Variants in HSD17B14 observed in about 807,000 individuals in gnomAD.
HSD17B14 encodes the protein hydroxysteroid 17-beta dehydrogenase 14.
A neutral mutation model predicts 32.2 loss-of-function variants in HSD17B14; 32 were observed. The ratio of observed to expected loss-of-function variants is 0.99; its 90% CI spans 0.75 to 1.33. The LOEUF is 1.33. HSD17B14 is among the 40% of genes most tolerant of loss of function. The pLI, the probability that HSD17B14 is intolerant of heterozygous loss-of-function variation, is 0.00. For missense variants in HSD17B14, 370 were observed against 366.5 expected, an observed-to-expected ratio of 1.01 and a Z score of -0.08; for synonymous variants, 140 against 155.4, an observed-to-expected ratio of 0.90 and a Z score of 0.74.
intron 5 of HSD17B14, among the ~76,000 whole-genome samples, chr19:48,829,805 G>A (rs1166738933): frequency 2.0e-5 from 3 of 151,206 alleles, no homozygotes; most frequent in South Asian, 4.2e-4. Flanking sequence ...CACCACACCC[G>A]GCTAATTTTG....
chr19:48,817,227 G>C, intron 5 of HSD17B14, among the ~76,000 whole-genome samples: 1 of 150,672 alleles, frequency 6.6e-6, no homozygotes. Context: ...GCCCAGGCTG[G>C]AGTGCAGTGA....
intron 6 of HSD17B14, among the ~76,000 whole-genome samples, chr19:48,814,794 T>C (rs2035022180): frequency 6.6e-6 from 1 of 150,528 alleles, no homozygotes; most frequent in African/African-American, 2.5e-5. Context: ...CAGCTGAGAT[T>C]GCACCACTGA....
At position 48,815,196 on chromosome 19, in the gene HSD17B14, C is replaced by T. The variant is rs1442267637; in HGVS notation, c.370-55G>A. The T allele has an allele frequency of 2.2e-6, 3 of 1,344,004 alleles. No individual in the cohort carries two copies. In the East Asian group the frequency reaches 6.9e-5, roughly 31 times the overall value. 83.3% of individuals were successfully genotyped at this position (1,344,004 alleles called of 1,614,324 possible). On this transcript the variant is annotated intron_variant, in intron 5 of 8. Coordinates refer to ENST00000263278, the MANE Select transcript of HSD17B14 (RefSeq NM_016246.3). ...ACAAGCCCTGCATCTTCGCAGACCA[C>T]TGAAACACAGCCACAGCCATCCTGA...
chr19:48,826,491 CAA>C (rs747731627), intron 5 of HSD17B14, among the ~76,000 whole-genome samples: 1,044 of 41,076 alleles, frequency 0.025, 26 homozygotes, highest in African/African-American at 0.09. Flanking sequence ...AAGATTGTCT[CAA>C]AAAAAAAAAA....
intron 5 of HSD17B14, among the ~76,000 whole-genome samples, chr19:48,830,208 TG>T (rs1437917340): frequency 4.6e-5 from 7 of 152,120 alleles, no homozygotes; most frequent in Non-Finnish European, 1.0e-4. Context: ...TTGTGCAAGC[TG>T]ACTCCCAGCA....
Position 48,834,328 on chromosome 19 carries a change from A to G in HSD17B14, c.158T>C (p.Leu53Pro), listed in dbSNP as rs1419953107. Reference protein sequence around the residue: ...ESGGRALEQELPGAVFILCDV... With the variant: ...ESGGRALEQEPPGAVFILCDV... ...ACAGAGGATAAAGACAGCTCCAGGG[A>G]GCTCCTGCTCCAGGGCCCGGCCCCC... Residue 53 changes from leucine to proline, a missense_variant, in exon 3 of 9, where the codon CTC becomes CCC. Physicochemically the swap from Leu to Pro is moderately conservative, Grantham distance 98. Coordinates refer to ENST00000263278, the MANE Select transcript of HSD17B14 (RefSeq NM_016246.3). The G allele has an allele frequency of 1.2e-6, 2 of 1,614,004 alleles. No individual in the cohort carries two copies. Among genetic ancestry groups the G allele is most frequent in the Middle Eastern group, 1.6e-4 (1 of 6,062 alleles).
chr19:48,820,236 G>A (rs989322033), intron 5 of HSD17B14, among the ~76,000 whole-genome samples: 7 of 151,952 alleles, frequency 4.6e-5, no homozygotes, highest in Non-Finnish European at 7.4e-5. Flanking sequence ...CATTTTGGGA[G>A]GCCAAGGCAG....
chr19:48,813,141 C>G lies in HSD17B14; in HGVS notation c.*34G>C. 2.0e-6 allele frequency: 3 copies of G among 1,522,844 alleles called. No homozygotes were observed. Among genetic ancestry groups the G allele is most frequent in the Non-Finnish European group, 2.7e-6 (3 of 1,122,746 alleles). The allele number at this position is 1,522,844 out of a possible 1,614,324, so 94.3% of individuals were successfully genotyped here. A position where few individuals can be genotyped will look rare whatever the true frequency, so the allele number is the denominator to read the frequency against. Reference sequence around the variant, plus strand: ...GGTTGGAGTTTGGGGTGGGAGAGTCCTAGGAAGGGGGCCCCAAGTAGAAAT... The same window carrying G: ...GGTTGGAGTTTGGGGTGGGAGAGTCGTAGGAAGGGGGCCCCAAGTAGAAAT... On this transcript the variant is annotated 3_prime_UTR_variant, in exon 9 of 9. Coordinates refer to ENST00000263278, the MANE Select transcript of HSD17B14 (RefSeq NM_016246.3).
chr19:48,836,420 C>A lies in HSD17B14; in HGVS notation c.-9G>T. 1 of 1,612,116 alleles carries A rather than the reference C, an allele frequency of 6.2e-7. No individual in the cohort carries two copies. The highest frequency in any genetic ancestry group is 8.5e-7 in the Non-Finnish European group (1 of 1,179,862). On this transcript the variant is annotated 5_prime_UTR_variant, in exon 1 of 9. Transcript: ENST00000263278. ...CGCGTTCCCGTAGCCATCCCGTGTA[C>A]GTCGGTCTCTCTCTCTCTCTACTCT...
chr19:48,822,912 G>A (rs1050734805), intron 5 of HSD17B14, among the ~76,000 whole-genome samples: 3 of 152,000 alleles, frequency 2.0e-5, no homozygotes, highest in African/African-American at 7.3e-5. Context: ...GATGGTGAGG[G>A]TGGTAACAAT....
At position 48,813,303 on chromosome 19, in the gene HSD17B14, C is replaced by G. The variant is rs1216850678; in HGVS notation, c.685G>C (p.Val229Leu). Residue 229 changes from valine to leucine, a missense_variant, in exon 9 of 9, where the codon GTG becomes CTG. Coordinates refer to ENST00000263278, the MANE Select transcript of HSD17B14 (RefSeq NM_016246.3). ...AAGTTGGCTTCGGAGGCCAGGAACACTGCCGCAGCCCCGACCTCAGCGGGC... is the reference window on the plus strand; with the variant it reads ...AAGTTGGCTTCGGAGGCCAGGAACAGTGCCGCAGCCCCGACCTCAGCGGGC... The part of the protein sequence containing the change: ...GQPAEVGAAA[V>L]FLASEANFCT... The G allele has an allele frequency of 3.1e-6, 5 of 1,599,294 alleles. No individual in the cohort carries two copies. The East Asian group carries it at 1.1e-4, about 36-fold the overall frequency.
At chr19:48,821,942 T>C (rs200043835) in intron 5 of HSD17B14, among the ~76,000 whole-genome samples, 2 of 137,974 alleles carry the variant, frequency 1.4e-5, no homozygotes, top group South Asian at 4.7e-4. Context: ...GATGGTGACG[T>C]GGTAATGATG....
intron 5 of HSD17B14, among the ~76,000 whole-genome samples, chr19:48,827,472 G>A (rs2035269476): frequency 6.6e-6 from 1 of 152,136 alleles, no homozygotes; most frequent in African/African-American, 2.4e-5. Flanking sequence ...AGATGTTATG[G>A]AGAGTGGATG....
rs1200667939 is a variant in HSD17B14 at position 48,814,151 on chromosome 19, T to C, written c.475-421A>G. ...CAGGGGTTGCAGTGAGCTGAGATCA[T>C]GCCACCACACTGCAACCTGGGTGAC... On this transcript the variant is annotated intron_variant, in intron 6 of 8. Coordinates refer to ENST00000263278, the MANE Select transcript of HSD17B14 (RefSeq NM_016246.3). Among the ~76,000 whole-genome samples the C allele has an allele frequency of 2.7e-5, 4 of 145,524 alleles. No individual in the cohort carries two copies. The South Asian group carries it at 6.6e-4, about 24-fold the overall frequency.
At chr19:48,834,388 A>AC in intron 2 of HSD17B14, 30 bp from the exon 3 acceptor site, 4 of 1,434,508 alleles carry the variant, frequency 2.8e-6, no homozygotes, top group Non-Finnish European at 3.9e-6. Flanking sequence ...GGGAGCCTGG[A>AC]CCCCTGGGTC....
At chr19:48,813,410 AC>A in intron 8 of HSD17B14, 45 bp downstream of exon 8, 3 of 1,562,036 alleles carry the variant, frequency 1.9e-6, no homozygotes, top group Non-Finnish European at 2.6e-6. Flanking sequence ...CATGCCCCCC[AC>A]CCCCATGCCA....
intron 2 of HSD17B14, among the ~76,000 whole-genome samples, chr19:48,834,838 G>C (rs2035445471): frequency 1.2e-5 from 1 of 85,434 alleles, no homozygotes. Flanking sequence ...TGGACTCCTG[G>C]GTCTGAGGGA....
chr19:48,834,818 G>C (rs1483842674), intron 2 of HSD17B14, among the ~76,000 whole-genome samples: 19 of 89,704 alleles, frequency 2.1e-4, no homozygotes, highest in East Asian at 4.8e-4. Flanking sequence ...GGGAGGAGGG[G>C]CTGGGGGCCT....
At chr19:48,826,528 A>AATATATATATATAT (rs1555776984) in intron 5 of HSD17B14, among the ~76,000 whole-genome samples, 4,269 of 22,750 alleles carry the variant, frequency 0.19, 501 homozygotes, top group Non-Finnish European at 0.23. Flanking sequence ...AAAAGAAGAA[A>AATATATATATATAT]ATATATATAT....
Sources: allele counts gnomAD v4.1 joint callset (sites outside exome capture counted in the v4.1 genomes callset), GRCh38; gene constraint gnomAD v4.1.1; transcripts MANE v1.5; gene names NCBI Gene and HGNC (gene_info 2026-07-23, HGNC 2026-07-21).